STMP1: variants seen among roughly 807,000 people sequenced by gnomAD.
STMP1 encodes the protein mitolamban.
Under a neutral mutation model 7.0 loss-of-function variants are expected in STMP1, and 7 were observed. The observed-to-expected ratio is 1.01, with a 90% CI of 0.57 to 1.89. The LOEUF is 1.89. STMP1 is among the 40% of genes most tolerant of loss of function. STMP1 has a pLI of 0.00. For synonymous variants in STMP1, 19 were observed against 18.4 expected (o/e 1.03, Z -0.08); for missense variants, 45 against 53.0 (o/e 0.85, Z 0.47).
At chr7:135,668,591 A>G (rs1309695521) in intron 1 of STMP1, among the ~76,000 whole-genome samples, 2 of 152,110 alleles carry the variant, frequency 1.3e-5, no homozygotes, top group South Asian at 4.1e-4. Flanking sequence ...GTTGGTAGAG[A>G]TGTAGTTTCA....
chr7:135,664,737 CT>C (rs199827049), intron 1 of STMP1, among the ~76,000 whole-genome samples: 30 of 148,668 alleles, frequency 2.0e-4, no homozygotes, highest in African/African-American at 4.2e-4. Flanking sequence ...CACCTCATTG[CT>C]TTTTTTTTTA....
At chr7:135,673,091 C>T (rs953249650) in intron 2 of STMP1, 3 of 408,136 alleles carry the variant, frequency 7.4e-6, no homozygotes, top group African/African-American at 6.1e-5. Context: ...AAGTTGGGCT[C>T]TTAAAATTCT....
rs1795409844 is a variant in STMP1, at chr7:135,675,948, A to C, written c.*1783A>C. ...TTTTTTTTTTTTTTTTTTTTGAGAC[A>C]GAGTCTCACTCTGCTGCCCAGGCTG... On this transcript the variant is annotated 3_prime_UTR_variant, in exon 3 of 3. Coordinates refer to ENST00000507606, the MANE Select transcript of STMP1 (RefSeq NM_001130929.2). 2 of 138,832 alleles carry C rather than the reference A, an allele frequency of 1.4e-5. No individual in the cohort carries two copies. The highest frequency in any genetic ancestry group is 5.3e-5 in the African/African-American group (2 of 37,842). The allele number at this position is 138,832 out of a possible 1,614,324, so 8.6% of individuals were successfully genotyped here.
chr7:135,662,695 T>A, intron 1 of STMP1, 101 bp downstream of exon 1: 2 of 1,409,804 alleles, frequency 1.4e-6, no homozygotes, highest in Non-Finnish European at 1.9e-6. Flanking sequence ...GGCCTGGGCG[T>A]GGGTCCAGCG....
At position 135,675,809 on chromosome 7, in the gene STMP1, ATC is replaced by A. The variant is rs1795407394; in HGVS notation, c.*1649_*1650del. On this transcript the variant is annotated 3_prime_UTR_variant, in exon 3 of 3. Transcript: ENST00000507606. ...ATTCTGCTTCTCTTTGACAACTTGC[ATC>A]TCTCCTACATGGAAGTAAGTTTTAT... 6.6e-6 allele frequency: 1 copy of A among 152,178 alleles called. No homozygotes were observed. Among genetic ancestry groups the A allele is most frequent in the African/African-American group, 2.4e-5 (1 of 41,528 alleles). 9.4% of individuals were successfully genotyped at this position (152,178 alleles called of 1,614,324 possible).
chr7:135,668,234 G>C (rs1345053126), intron 1 of STMP1, among the ~76,000 whole-genome samples: 1 of 151,874 alleles, frequency 6.6e-6, no homozygotes, highest in African/African-American at 2.4e-5. Context: ...TTTCTCTAAT[G>C]GGTACTTGGT....
At chr7:135,673,210 G>A (rs1795374261) in intron 2 of STMP1, 1 of 200,190 alleles carries the variant, frequency 5.0e-6, no homozygotes, top group South Asian at 9.8e-5. Flanking sequence ...CATCTGGGTA[G>A]GGGGACTGAA....
chr7:135,662,704 C>A, intron 1 of STMP1, 110 bp downstream of exon 1: 1 of 1,293,490 alleles, frequency 7.7e-7, no homozygotes, highest in Non-Finnish European at 1.0e-6. Context: ...GTGGGTCCAG[C>A]GGTCCCTTCG....
rs979376724 is a variant in STMP1, at chr7:135,675,171, C to G, written c.*1006C>G. On this transcript the variant is annotated 3_prime_UTR_variant, in exon 3 of 3. Coordinates refer to ENST00000507606, the MANE Select transcript of STMP1 (RefSeq NM_001130929.2). ...ATTAAAAAAAAATTTGAATAATTAA[C>G]TTTTGCCATGGGACAAGATACAAAA... 1.3e-5 allele frequency: 2 copies of G among 152,042 alleles called. No homozygotes were observed. Among genetic ancestry groups the G allele is most frequent in the South Asian group, 4.1e-4 (2 of 4,832 alleles). The allele number at this position is 152,042 out of a possible 1,614,324, so 9.4% of individuals were successfully genotyped here.
chr7:135,664,820 C>T (rs955456320), intron 1 of STMP1, among the ~76,000 whole-genome samples: 2 of 152,038 alleles, frequency 1.3e-5, no homozygotes, highest in African/African-American at 2.4e-5. Context: ...TAAAGTTGAG[C>T]AAGTATTTCT....
rs989420369 is a variant in STMP1 at position 135,675,494 on chromosome 7, T to G, written c.*1329T>G. 1 of 152,210 alleles carries G rather than the reference T, an allele frequency of 6.6e-6. No homozygotes were observed. Among genetic ancestry groups the G allele is most frequent in the African/African-American group, 2.4e-5 (1 of 41,458 alleles). 9.4% of individuals were successfully genotyped at this position (152,210 alleles called of 1,614,324 possible). ...TAACATAATTGATTTAATCTGCTAC[T>G]GGTGAATGCTTAGGTTGTTCTTTTG... On this transcript the variant is annotated 3_prime_UTR_variant, in exon 3 of 3. Coordinates refer to ENST00000507606, the MANE Select transcript of STMP1 (RefSeq NM_001130929.2).
intron 1 of STMP1, among the ~76,000 whole-genome samples, chr7:135,670,786 TAG>T (rs1239024996): frequency 1.3e-5 from 2 of 152,092 alleles, no homozygotes; most frequent in Admixed American, 1.3e-4. Context: ...CACATTTATT[TAG>T]AGACACATTT....
intron 1 of STMP1, among the ~76,000 whole-genome samples, chr7:135,670,647 A>G (rs1795347771): frequency 6.6e-6 from 1 of 152,142 alleles, no homozygotes; most frequent in Non-Finnish European, 1.5e-5. Context: ...GTATTCTGAA[A>G]CTGGAATTGA....
chr7:135,663,095 T>A (rs989788268), intron 1 of STMP1, among the ~76,000 whole-genome samples: 1 of 152,206 alleles, frequency 6.6e-6, no homozygotes. Context: ...TCATCAGACC[T>A]TTCAGAGTTG....
intron 1 of STMP1, among the ~76,000 whole-genome samples, chr7:135,670,030 G>A (rs1795341496): frequency 6.6e-6 from 1 of 152,126 alleles, no homozygotes; most frequent in East Asian, 1.9e-4. Context: ...CTCTTTTGGG[G>A]CTCTTAGCTC....
At chr7:135,664,344 ATTTT>A (rs767469164) in intron 1 of STMP1, among the ~76,000 whole-genome samples, 4,671 of 114,880 alleles carry the variant, frequency 0.041, 116 homozygotes, top group African/African-American at 0.1. Flanking sequence ...CTGTGTGTTA[ATTTT>A]TTTTTTTTTT....
chr7:135,668,930 C>T (rs997283876), intron 1 of STMP1, among the ~76,000 whole-genome samples: 18 of 152,118 alleles, frequency 1.2e-4, no homozygotes, highest in Admixed American at 2.6e-4. Context: ...AAGACATACC[C>T]GAGACTGGGT....
chr7:135,674,293 T>C lies in STMP1; in HGVS notation c.*128T>C. The C allele has an allele frequency of 1.4e-6, 1 of 735,892 alleles. No individual in the cohort carries two copies. The highest frequency in any genetic ancestry group is 2.1e-6 in the Non-Finnish European group (1 of 465,752). 45.6% of individuals were successfully genotyped at this position (735,892 alleles called of 1,614,324 possible). The stretch of plus-strand genomic sequence containing the variant: ...CACTTCTCTTCTTTGCTAGACCCTG[T>C]GTTTTTTGCTTTAAAGCAAGCAAAA... On this transcript the variant is annotated 3_prime_UTR_variant, in exon 3 of 3. Transcript: ENST00000507606.
At chr7:135,668,049 A>T (rs1042252591) in intron 1 of STMP1, among the ~76,000 whole-genome samples, 2 of 152,040 alleles carry the variant, frequency 1.3e-5, no homozygotes, top group African/African-American at 4.8e-5. Flanking sequence ...TATTCCCAGC[A>T]CCATTTCTTG....
Sources: allele counts gnomAD v4.1 joint callset (sites outside exome capture counted in the v4.1 genomes callset), GRCh38; gene constraint gnomAD v4.1.1; transcripts MANE v1.5; gene names NCBI Gene and HGNC (gene_info 2026-07-23, HGNC 2026-07-21).